The following KALRN variants were observed in gnomAD, a reference collection of about 807,000 sequenced individuals.
KALRN encodes the protein kalirin.
Under a neutral mutation model 353.7 loss-of-function variants are expected in KALRN, and 70 were observed. That is an observed-to-expected ratio of 0.20 (90% CI 0.16 to 0.24). The LOEUF is 0.24. Ranked by LOEUF, KALRN falls within the 10% of genes least tolerant of loss-of-function variation. The pLI is 1.00. For missense variants in KALRN, 2,791 were observed against 3,756.7 expected, an observed-to-expected ratio of 0.74 and a Z score of 6.72; for synonymous variants, 1,391 against 1,434.8, an observed-to-expected ratio of 0.97 and a Z score of 0.69.
rs181399619 is a variant in KALRN at position 124,378,496 on chromosome 3, G to A, written c.1771-6349G>A. Among the ~76,000 whole-genome samples the A allele has an allele frequency of 6.8e-4, 103 of 150,826 alleles. 1 individual carries two copies. In the East Asian group the frequency reaches 0.019, roughly 28 times the overall value. On this transcript the variant is annotated intron_variant, in intron 10 of 59. Coordinates refer to ENST00000682506, the MANE Select transcript of KALRN (RefSeq NM_001388419.1). ...CCCTTGTAGTATTTCCAGTGCTCTT[G>A]ATTCCTGTGTATGGATCTGTATTTC...
intron 33 of KALRN, among the ~76,000 whole-genome samples, chr3:124,538,075 G>T (rs2068681521): frequency 6.6e-6 from 1 of 152,240 alleles, no homozygotes; most frequent in African/African-American, 2.4e-5. Flanking sequence ...AAAGTAAAAT[G>T]TATTAGATTA....
rs1197489070 is a variant in KALRN at position 124,410,239 on chromosome 3, C to T, written c.2347-3231C>T. 8 of 533,334 alleles carry T rather than the reference C, an allele frequency of 1.5e-5. 1 individual carries two copies. Among genetic ancestry groups the T allele is most frequent in the South Asian group, 1.1e-4 (8 of 71,460 alleles). The allele number at this position is 533,334 out of a possible 1,614,324, so 33.0% of individuals were successfully genotyped here. ...TCGGCACCTTCCACTCCATAGATTC[C>T]TGGCTATGGGACTCCTTGGATCTTC... On this transcript the variant is annotated intron_variant, in intron 13 of 59. Coordinates refer to ENST00000682506, the MANE Select transcript of KALRN (RefSeq NM_001388419.1).
chr3:124,588,351 T>C (rs965617155), intron 34 of KALRN, among the ~76,000 whole-genome samples: 1 of 152,164 alleles, frequency 6.6e-6, no homozygotes, highest in Non-Finnish European at 1.5e-5. Context: ...ATTGCTAAGT[T>C]ATGTATTGCA....
intron 33 of KALRN, among the ~76,000 whole-genome samples, chr3:124,525,104 C>G (rs1352309723): frequency 1.3e-5 from 2 of 152,204 alleles, no homozygotes; most frequent in African/African-American, 2.4e-5. Context: ...AGAGAGTTTT[C>G]TCAGCACAGT....
chr3:124,376,033 G>T (rs2086542673), intron 10 of KALRN, among the ~76,000 whole-genome samples: 1 of 152,136 alleles, frequency 6.6e-6, no homozygotes, highest in Non-Finnish European at 1.5e-5. Flanking sequence ...TATAGGAAAA[G>T]GTGCTAAAGC....
intron 34 of KALRN, among the ~76,000 whole-genome samples, chr3:124,583,486 G>C (rs188106745): frequency 1.3e-5 from 2 of 152,298 alleles, no homozygotes; most frequent in Non-Finnish European, 2.9e-5. Context: ...GTAAAGGAAT[G>C]ATAGGTCTAC....
chr3:124,223,740 C>T lies in KALRN; in HGVS notation c.74-4250C>T, dbSNP rs557190541. Among the ~76,000 whole-genome samples, 96 of 152,310 alleles carry T rather than the reference C, an allele frequency of 6.3e-4. 1 individual carries two copies. The highest frequency in any genetic ancestry group is 5.4e-3 in the Admixed American group (83 of 15,300). ...TACTGCTACTCTAGACCCACAAAAC[C>T]ACAGACAGGGCTGGGGGGCTCAAGG... On this transcript the variant is annotated intron_variant, in intron 1 of 59. Coordinates refer to ENST00000682506, the MANE Select transcript of KALRN (RefSeq NM_001388419.1).
chr3:124,258,885 G>C, intron 3 of KALRN, among the ~76,000 whole-genome samples: 1 of 152,184 alleles, frequency 6.6e-6, no homozygotes, highest in Non-Finnish European at 1.5e-5. Flanking sequence ...TTCCATCAAG[G>C]ATGGTTGAGT....
At chr3:124,268,671 C>T in intron 4 of KALRN, 72 bp from the exon 5 acceptor site, 3 of 1,483,044 alleles carry the variant, frequency 2.0e-6, no homozygotes, top group South Asian at 1.2e-5. Context: ...CTTGTCCTTT[C>T]CCTCATCCTA....
At chr3:124,260,438 A>G (rs1213320548) in intron 3 of KALRN, among the ~76,000 whole-genome samples, 1 of 152,130 alleles carries the variant, frequency 6.6e-6, no homozygotes, top group African/African-American at 2.4e-5. Flanking sequence ...TGAACACCCC[A>G]GCTCACACAT....
chr3:124,446,323 C>A, intron 20 of KALRN, 47 bp downstream of exon 20: 1 of 1,383,762 alleles, frequency 7.2e-7, no homozygotes, highest in Non-Finnish European at 1.0e-6. Flanking sequence ...GGGGAGCATA[C>A]AGAGGCCCAT....
At chr3:124,444,650 G>T (rs151029449) in intron 19 of KALRN, among the ~76,000 whole-genome samples, 1 of 150,488 alleles carries the variant, frequency 6.6e-6, no homozygotes. Flanking sequence ...AAAAAAAAAT[G>T]TTTACAAATT....
chr3:124,646,230 A>G (rs1578621759), intron 37 of KALRN, among the ~76,000 whole-genome samples: 2 of 152,000 alleles, frequency 1.3e-5, no homozygotes, highest in African/African-American at 4.8e-5. Flanking sequence ...CCTCCTGTAC[A>G]CCAGGCTTTG....
chr3:124,301,071 A>C (rs1194024299), intron 6 of KALRN, among the ~76,000 whole-genome samples: 2 of 152,236 alleles, frequency 1.3e-5, no homozygotes, highest in Admixed American at 1.3e-4. Flanking sequence ...GCCCTAAGGC[A>C]GACAAACTCA....
intron 1 of KALRN, among the ~76,000 whole-genome samples, chr3:124,178,813 A>G (rs2073149187): frequency 6.6e-6 from 1 of 152,182 alleles, no homozygotes. Flanking sequence ...ATTTATTTAA[A>G]TATTTTTATT....
intron 33 of KALRN, among the ~76,000 whole-genome samples, chr3:124,506,158 T>C (rs976433944): frequency 6.6e-6 from 1 of 152,224 alleles, no homozygotes; most frequent in East Asian, 1.9e-4. Context: ...TCAGTAGTAG[T>C]AGATGCCAGT....
chr3:124,423,239 CTCAG>C (rs1439587229), intron 15 of KALRN, among the ~76,000 whole-genome samples: 8 of 152,230 alleles, frequency 5.3e-5, no homozygotes, highest in Non-Finnish European at 1.2e-4. Flanking sequence ...CCAGAGTTGT[CTCAG>C]TCACTCAATC....
At chr3:124,122,484 G>C (rs1307754737) in intron 1 of KALRN, among the ~76,000 whole-genome samples, 1 of 152,168 alleles carries the variant, frequency 6.6e-6, no homozygotes, top group Non-Finnish European at 1.5e-5. Context: ...TAGCAACCCT[G>C]CATTGAGCAA....
chr3:124,216,033 C>T (rs561799456), intron 1 of KALRN, among the ~76,000 whole-genome samples: 3 of 152,304 alleles, frequency 2.0e-5, no homozygotes, highest in East Asian at 1.9e-4. Flanking sequence ...TGGAAATGTA[C>T]TGCCTTGGTG....
Sources: allele counts gnomAD v4.1 joint callset (sites outside exome capture counted in the v4.1 genomes callset), GRCh38; gene constraint gnomAD v4.1.1; transcripts MANE v1.5; gene names NCBI Gene and HGNC (gene_info 2026-07-23, HGNC 2026-07-21).